KBTBD2: variants seen among roughly 807,000 people sequenced by gnomAD.
KBTBD2 encodes kelch repeat and BTB domain-containing protein 2.
A neutral mutation model predicts 57.1 loss-of-function variants in KBTBD2; 17 were observed. The ratio of observed to expected loss-of-function variants is 0.30; its 90% CI spans 0.20 to 0.45. The LOEUF is 0.45. Among genes scored for constraint, KBTBD2 ranks in the 20% least tolerant of loss-of-function variants. KBTBD2 has a pLI of 1.00. For missense variants in KBTBD2, 515 were observed against 750.6 expected (o/e 0.69, Z 3.67); for synonymous variants, 267 against 262.7 (o/e 1.02, Z -0.16).
At chr7:32,877,981 G>A (rs1323572902) in intron 2 of KBTBD2, among the ~76,000 whole-genome samples, 2 of 151,922 alleles carry the variant, frequency 1.3e-5, no homozygotes, top group Non-Finnish European at 2.9e-5. Flanking sequence ...GCATGGTGGT[G>A]TGTGCCTGTA....
chr7:32,890,978 C>A (rs1018849329), intron 1 of KBTBD2: 10 of 152,212 alleles, frequency 6.6e-5, no homozygotes, highest in Admixed American at 5.9e-4. Flanking sequence ...AACACGTACA[C>A]AATTTTCCGT....
intron 3 of KBTBD2, chr7:32,874,446 A>T (rs1229382401): frequency 6.6e-6 from 1 of 151,730 alleles, no homozygotes; most frequent in African/African-American, 2.4e-5. Flanking sequence ...ATAAATAAAA[A>T]TAGTAGCTGG....
chr7:32,871,030 T>C (rs1784165542), intron 3 of KBTBD2, 150 bp from the exon 4 acceptor site: 1 of 564,846 alleles, frequency 1.8e-6, no homozygotes. Context: ...GGTCTTCTGG[T>C]AGTAATAAAC....
In KBTBD2 at chr7:32,870,149, C is replaced by T; in HGVS notation, c.1068G>A (p.Gln356=). The T allele has an allele frequency of 6.2e-7, 1 of 1,614,178 alleles. No individual in the cohort carries two copies. The highest frequency in any genetic ancestry group is 8.5e-7 in the Non-Finnish European group (1 of 1,180,024). Residue 356 remains glutamine, a synonymous_variant, in exon 4 of 4, where the codon CAG becomes CAA. Coordinates refer to ENST00000304056, the MANE Select transcript of KBTBD2 (RefSeq NM_015483.3). ...TVNCFYWFDA[Q]QNTWFPKTPM... ...GGGTCTTTGGAAACCAGGTATTTTG[C>T]TGTGCATCAAACCAATAAAAGCAAT...
In KBTBD2 at chr7:32,876,755, A is replaced by T. The variant is rs559118479; in HGVS notation, c.171-1598T>A. On this transcript the variant is annotated intron_variant, in intron 2 of 3. Transcript: ENST00000304056. ...CAGATCATCTTAGGCCAGGAGCTCG[A>T]CACTAGCCTGGCCAACATGGTGAAA... Among the ~76,000 whole-genome samples, 18 of 152,262 alleles carry T rather than the reference A, an allele frequency of 1.2e-4. No individual in the cohort carries two copies. In the East Asian group the frequency reaches 3.3e-3, roughly 28 times the overall value.
At chr7:32,876,441 CAA>C (rs1292565097) in intron 2 of KBTBD2, among the ~76,000 whole-genome samples, 2 of 152,126 alleles carry the variant, frequency 1.3e-5, no homozygotes, top group Non-Finnish European at 2.9e-5. Context: ...TTAAATGAGA[CAA>C]GAGAGTCTGA....
upstream of KBTBD2, chr7:32,891,874 G>GCCCGCCGGGCCCGCCGCC (rs1562541000): frequency 3.2e-5 from 3 of 94,232 alleles, no homozygotes; most frequent in African/African-American, 9.9e-5. Context: ...GAGACGCCGG[G>GCCCGCCGGGCCCGCCGCC]CCCGCCGCCC....
chr7:32,872,071 C>CATGCCTA (rs1037472956), intron 3 of KBTBD2, among the ~76,000 whole-genome samples: 1 of 152,144 alleles, frequency 6.6e-6, no homozygotes, highest in Non-Finnish European at 1.5e-5. Context: ...TGTGCTGGTG[C>CATGCCTA]ATGCCTATAA....
intron 1 of KBTBD2, among the ~76,000 whole-genome samples, chr7:32,889,323 C>T (rs1408594701): frequency 6.6e-6 from 1 of 151,666 alleles, no homozygotes; most frequent in African/African-American, 2.4e-5. Flanking sequence ...TTGAGATCGG[C>T]CGTCTGCGGT....
At chr7:32,871,859 G>A (rs1201332406) in intron 3 of KBTBD2, among the ~76,000 whole-genome samples, 1 of 151,896 alleles carries the variant, frequency 6.6e-6, no homozygotes, top group Non-Finnish European at 1.5e-5. Context: ...AGTCTAAGAG[G>A]CAGAGTCCTG....
intron 1 of KBTBD2, among the ~76,000 whole-genome samples, chr7:32,889,597 C>CA (rs36012890): frequency 0.49 from 73,430 of 151,290 alleles, 19,426 homozygotes; most frequent in African/African-American, 0.71. Flanking sequence ...GACTCTGTCT[C>CA]AAAAAAAAAT....
chr7:32,890,559 T>C (rs1784706575), intron 1 of KBTBD2, among the ~76,000 whole-genome samples: 1 of 152,180 alleles, frequency 6.6e-6, no homozygotes, highest in South Asian at 2.1e-4. Flanking sequence ...ATCATTTTGG[T>C]CAGTGCACAG....
Position 32,879,859 on chromosome 7 carries a change from T to C in KBTBD2, c.-255A>G, listed in dbSNP as rs1583783168. On this transcript the variant is annotated 5_prime_UTR_variant, in exon 2 of 4. Transcript: ENST00000304056. ...GCAGACATTGTGCTCAAATCTGCAA[T>C]TGTGCAGCTCATGAGTGAAAGAGAA... The C allele has an allele frequency of 1.8e-5, 7 of 392,808 alleles. No homozygotes were observed. The highest frequency in any genetic ancestry group is 2.7e-5 in the Non-Finnish European group (6 of 219,412). 24.3% of individuals were successfully genotyped at this position (392,808 alleles called of 1,614,324 possible).
At chr7:32,888,934 A>G (rs779146939) in intron 1 of KBTBD2, among the ~76,000 whole-genome samples, 1 of 152,204 alleles carries the variant, frequency 6.6e-6, no homozygotes, top group Non-Finnish European at 1.5e-5. Flanking sequence ...CTGCGATACA[A>G]TAATCATATG....
chr7:32,881,248 T>C (rs1407061348), intron 1 of KBTBD2, among the ~76,000 whole-genome samples: 1 of 151,858 alleles, frequency 6.6e-6, no homozygotes, highest in Admixed American at 6.6e-5. Flanking sequence ...CTGCATACCA[T>C]TCATCAAAAA....
At chr7:32,886,141 C>T (rs1028916771) in intron 1 of KBTBD2, among the ~76,000 whole-genome samples, 10 of 152,046 alleles carry the variant, frequency 6.6e-5, no homozygotes, top group Admixed American at 5.9e-4. Context: ...AACTCTTGAC[C>T]TCAGGTGATC....
intron 1 of KBTBD2, among the ~76,000 whole-genome samples, chr7:32,883,018 A>C (rs181521602): frequency 3.5e-4 from 54 of 152,118 alleles, no homozygotes; most frequent in African/African-American, 1.3e-3. Flanking sequence ...AAAAATAATA[A>C]ATAAAATTAA....
At position 32,870,188 on chromosome 7, in the gene KBTBD2, G is replaced by A; in HGVS notation, c.1029C>T (p.Ala343=). The change falls in exon 4 of 4, where the codon GCC becomes GCT. Residue 343 remains alanine (A), a synonymous_variant. Coordinates refer to ENST00000304056, the MANE Select transcript of KBTBD2 (RefSeq NM_015483.3). ...AATAAAAGCAATTCACAGTTCTGAA[G>A]GCAGTCTGAAGTTTGCTTGTTTTAC... ...NHSKTSKLQT[A]FRTVNCFYWF... is the part of the protein sequence containing the mutation. 1.2e-6 allele frequency: 2 copies of A among 1,614,108 alleles called. No individual in the cohort carries two copies. The highest frequency in any genetic ancestry group is 8.5e-7 in the Non-Finnish European group (1 of 1,180,018).
chr7:32,884,356 C>A (rs1784514918), intron 1 of KBTBD2, among the ~76,000 whole-genome samples: 1 of 144,588 alleles, frequency 6.9e-6, no homozygotes, highest in African/African-American at 2.6e-5. Flanking sequence ...CCAGCCTGGG[C>A]AACAGCAAGA....
Sources: allele counts gnomAD v4.1 joint callset (sites outside exome capture counted in the v4.1 genomes callset), GRCh38; gene constraint gnomAD v4.1.1; transcripts MANE v1.5; gene names NCBI Gene and HGNC (gene_info 2026-07-23, HGNC 2026-07-21).